Variants in LPP observed in about 807,000 individuals in gnomAD.
LPP encodes the protein lipoma-preferred partner.
A neutral mutation model predicts 60.4 loss-of-function variants in LPP; 38 were observed. The observed-to-expected ratio is 0.63, with a 90% confidence interval of 0.49 to 0.83. LPP has a LOEUF of 0.83. Ranked by LOEUF, LPP falls within the 40% of genes least tolerant of loss-of-function variation. LPP has a pLI of 0.00. For missense variants in LPP, 902 were observed against 783.6 expected (o/e 1.15, Z -1.80); for synonymous variants, 328 against 290.8 (o/e 1.13, Z -1.30).
In LPP at chr3:188,821,218, A is replaced by T. The variant is rs532357911; in HGVS notation, c.1411-44982A>T. Among the ~76,000 whole-genome samples the T allele has an allele frequency of 2.0e-4, 31 of 151,498 alleles. 1 individual carries two copies. The South Asian group carries it at 6.3e-3, about 31-fold the overall frequency. ...TGTGTATATTTAAAATAAGTAATGC[A>T]CATAGTTAAAAAGAAACATGTTTTT... On this transcript the variant is annotated intron_variant, in intron 9 of 11. Transcript: ENST00000617246.
chr3:188,585,604 A>T (rs574111985), intron 6 of LPP, among the ~76,000 whole-genome samples: 1 of 152,368 alleles, frequency 6.6e-6, no homozygotes, highest in East Asian at 1.9e-4. Context: ...AAGCTTAGAC[A>T]TACATACTGC....
At chr3:188,760,349 C>A in intron 9 of LPP, 67 bp downstream of exon 9, 1 of 1,530,570 alleles carries the variant, frequency 6.5e-7, no homozygotes, top group Non-Finnish European at 9.0e-7. Context: ...GCCAGTCACT[C>A]TAGATAGAAT....
intron 3 of LPP, among the ~76,000 whole-genome samples, chr3:188,371,390 A>C (rs1450943400): frequency 6.6e-6 from 1 of 151,496 alleles, no homozygotes; most frequent in African/African-American, 2.4e-5. Flanking sequence ...CAAAAACCTC[A>C]TACTCTGAAG....
chr3:188,310,211 G>A (rs1268160067), intron 2 of LPP, among the ~76,000 whole-genome samples: 2 of 149,548 alleles, frequency 1.3e-5, no homozygotes, highest in African/African-American at 4.9e-5. Context: ...TGTTAAAGTT[G>A]TCTTTCTTTT....
In LPP at chr3:188,599,790, G is replaced by GTGTGTGTGTGTGT. The variant is rs1553938528; in HGVS notation, c.430-9371_430-9370insTGTGTGTGTGTGT. Among the ~76,000 whole-genome samples, 12 of 125,482 alleles carry GTGTGTGTGTGTGT rather than the reference G, an allele frequency of 9.6e-5. No homozygotes were observed. In the East Asian group the frequency reaches 2.2e-3, roughly 23 times the overall value. The allele number at this position is 125,482 out of a possible 152,430, so 82.3% of individuals were successfully genotyped here. ...TGTGTGTGTGTGTGTGTGTGTGTGT[G>GTGTGTGTGTGTGT]GTGTGTGCTTTATGTGTTCATTGAG... On this transcript the variant is annotated intron_variant, in intron 6 of 11. Coordinates refer to ENST00000617246, the MANE Select transcript of LPP (RefSeq NM_001375462.1).
At chr3:188,310,526 A>C (rs987048626) in intron 2 of LPP, among the ~76,000 whole-genome samples, 3 of 152,206 alleles carry the variant, frequency 2.0e-5, no homozygotes, top group African/African-American at 7.2e-5. Flanking sequence ...GAGTTGCTCA[A>C]TCTTTGCCTA....
chr3:188,231,922 C>A (rs557891600), intron 2 of LPP, among the ~76,000 whole-genome samples: 1 of 152,124 alleles, frequency 6.6e-6, no homozygotes, highest in African/African-American at 2.4e-5. Context: ...CAATATTACA[C>A]GGCTCAGACA....
At chr3:188,367,295 T>C (rs1353251612) in intron 3 of LPP, among the ~76,000 whole-genome samples, 3 of 152,096 alleles carry the variant, frequency 2.0e-5, no homozygotes, top group Non-Finnish European at 4.4e-5. Context: ...GGTATGTTTG[T>C]AGCAGAGGGA....
rs148257606 is a variant in LPP at position 188,578,368 on chromosome 3, A to G, written c.430-30793A>G. On this transcript the variant is annotated intron_variant, in intron 6 of 11. Coordinates refer to ENST00000617246, the MANE Select transcript of LPP (RefSeq NM_001375462.1). ...GGTCCCTAATAGCTAAAGCTTATATACTTTATTTTCTTCTTTCTCCAGATG... is the reference window on the plus strand; with the variant it reads ...GGTCCCTAATAGCTAAAGCTTATATGCTTTATTTTCTTCTTTCTCCAGATG... Among the ~76,000 whole-genome samples, 146 of 152,060 alleles carry G rather than the reference A, an allele frequency of 9.6e-4. 1 individual carries two copies. Among genetic ancestry groups the G allele is most frequent in the African/African-American group, 3.5e-3 (144 of 41,468 alleles).
chr3:188,620,988 C>A (rs1845702736), intron 7 of LPP, among the ~76,000 whole-genome samples: 1 of 152,164 alleles, frequency 6.6e-6, no homozygotes, highest in Non-Finnish European at 1.5e-5. Flanking sequence ...ACTGAATTGA[C>A]ATGGAACCAC....
At chr3:188,298,388 A>G (rs1234734061) in intron 2 of LPP, among the ~76,000 whole-genome samples, 1 of 152,082 alleles carries the variant, frequency 6.6e-6, no homozygotes, top group Non-Finnish European at 1.5e-5. Flanking sequence ...TAGCCTGGCT[A>G]CCCCATTGCT....
intron 9 of LPP, among the ~76,000 whole-genome samples, chr3:188,799,143 A>T (rs942172311): frequency 6.6e-6 from 1 of 152,152 alleles, no homozygotes; most frequent in Non-Finnish European, 1.5e-5. Flanking sequence ...ATTCTACATC[A>T]CCTTTAGCTT....
intron 3 of LPP, among the ~76,000 whole-genome samples, chr3:188,379,216 C>T (rs1199139188): frequency 6.6e-6 from 1 of 151,980 alleles, no homozygotes; most frequent in Non-Finnish European, 1.5e-5. Context: ...GAGGCAGCCA[C>T]AAAACTAACC....
At chr3:188,579,216 G>A (rs1288541499) in intron 6 of LPP, among the ~76,000 whole-genome samples, 43 of 152,190 alleles carry the variant, frequency 2.8e-4, no homozygotes, top group Non-Finnish European at 1.5e-5. Context: ...GCATCCCAGG[G>A]GATTTTACTA....
intron 6 of LPP, among the ~76,000 whole-genome samples, chr3:188,604,807 A>T (rs1258592199): frequency 6.6e-6 from 1 of 152,292 alleles, no homozygotes; most frequent in East Asian, 1.9e-4. Flanking sequence ...CTACTAGTAT[A>T]GAAGCAGACA....
At chr3:188,858,865 G>A (rs1358323146) in intron 9 of LPP, among the ~76,000 whole-genome samples, 18 of 152,052 alleles carry the variant, frequency 1.2e-4, no homozygotes, top group African/African-American at 2.9e-4. Context: ...CGAGGTGGGC[G>A]GATCACCTGA....
chr3:188,824,422 G>A (rs1754827709), intron 9 of LPP, among the ~76,000 whole-genome samples: 1 of 152,156 alleles, frequency 6.6e-6, no homozygotes. Context: ...CATTTCAAAT[G>A]CTCAAGAACC....
intron 11 of LPP, 118 bp downstream of exon 11, chr3:188,872,881 A>T (rs966396096): frequency 7.6e-7 from 1 of 1,324,072 alleles, no homozygotes. Flanking sequence ...GCCTGTACTC[A>T]TAGGACTTGG....
chr3:188,284,312 T>C (rs191887616), intron 2 of LPP, among the ~76,000 whole-genome samples: 1 of 151,920 alleles, frequency 6.6e-6, no homozygotes. Context: ...AAGGGAAGGT[T>C]GAGAATGAGA....
Sources: gnomAD v4.1 joint callset for allele counts (sites outside exome capture counted in the v4.1 genomes callset) on GRCh38, gnomAD v4.1.1 for gene constraint, MANE v1.5 for transcripts, NCBI Gene and HGNC (gene_info 2026-07-23, HGNC 2026-07-21) for gene names.